PPP3CA: variants seen among roughly 807,000 people sequenced by gnomAD.
PPP3CA encodes CAM-PRP catalytic subunit.
PPP3CA carries 14 observed loss-of-function variants against 66.5 expected under a neutral mutation model. The ratio of observed to expected loss-of-function variants is 0.21; its 90% confidence interval spans 0.14 to 0.33. The LOEUF is 0.33. Ranked by LOEUF, PPP3CA falls within the 10% of genes least tolerant of loss-of-function variation. PPP3CA has a pLI of 1.00. For synonymous variants in PPP3CA, 232 were observed against 226.2 expected (o/e 1.03, Z -0.23); for missense variants, 317 against 639.5 (o/e 0.50, Z 5.44).
chr4:101,093,753 G>C lies in PPP3CA; in HGVS notation c.782+23C>G, dbSNP rs548652067. ...AGCATTATGATGCAAACGTGTTCCA[G>C]AGAGCAAGTTCTCTATTCTTACCTG... is the stretch of plus-strand genomic sequence containing the variant. On this transcript the variant is annotated intron_variant, in intron 6 of 13. Transcript: ENST00000394854. The C allele has an allele frequency of 1.3e-5, 21 of 1,574,240 alleles. No individual in the cohort carries two copies. In the African/African-American group the frequency reaches 2.3e-4, roughly 17 times the overall value.
At chr4:101,087,082 T>C (rs1054167274) in intron 6 of PPP3CA, among the ~76,000 whole-genome samples, 3 of 152,170 alleles carry the variant, frequency 2.0e-5, no homozygotes, top group African/African-American at 7.2e-5. Context: ...TGCCTGATTG[T>C]TCAACTCCTC....
chr4:101,180,993 C>T (rs1056925082), intron 2 of PPP3CA, among the ~76,000 whole-genome samples: 6 of 151,960 alleles, frequency 3.9e-5, no homozygotes, highest in South Asian at 4.2e-4. Flanking sequence ...TCAGGGTTAC[C>T]GTGAGCTATG....
chr4:101,287,959 T>C (rs1234993524), intron 1 of PPP3CA, among the ~76,000 whole-genome samples: 4 of 152,196 alleles, frequency 2.6e-5, no homozygotes, highest in Non-Finnish European at 5.9e-5. Flanking sequence ...TTTTCCTTCC[T>C]TGACCCAACC....
chr4:101,227,178 T>C (rs1725811525), intron 1 of PPP3CA, among the ~76,000 whole-genome samples: 1 of 151,720 alleles, frequency 6.6e-6, no homozygotes. Flanking sequence ...ACAACACATG[T>C]ATGGAGAAAC....
chr4:101,187,494 A>G (rs780266147), intron 2 of PPP3CA, among the ~76,000 whole-genome samples: 2 of 152,120 alleles, frequency 1.3e-5, no homozygotes, highest in Non-Finnish European at 2.9e-5. Context: ...AGGCAATTTA[A>G]TGTCTAGCTT....
At chr4:101,286,232 C>T (rs1028852276) in intron 1 of PPP3CA, among the ~76,000 whole-genome samples, 5 of 152,184 alleles carry the variant, frequency 3.3e-5, no homozygotes, top group African/African-American at 1.2e-4. Flanking sequence ...CAGCCACTAA[C>T]CTCCTGTGTG....
intron 1 of PPP3CA, among the ~76,000 whole-genome samples, chr4:101,332,331 T>A (rs770335933): frequency 6.6e-6 from 1 of 152,108 alleles, no homozygotes; most frequent in Non-Finnish European, 1.5e-5. Context: ...TATAAAGGAA[T>A]GAGGGAACAT....
rs181312307 is a variant in PPP3CA, at chr4:101,180,073, T to C, written c.259+15843A>G. Among the ~76,000 whole-genome samples, 117 of 152,270 alleles carry C rather than the reference T, an allele frequency of 7.7e-4. 1 individual carries two copies. The highest frequency in any genetic ancestry group is 2.6e-3 in the African/African-American group (110 of 41,570). On this transcript the variant is annotated intron_variant, in intron 2 of 13. Coordinates refer to ENST00000394854, the MANE Select transcript of PPP3CA (RefSeq NM_000944.5). ...ATGCACCCAAAGTTATATGTGCAAG[T>C]TGGCCAACATTAAGAACATGTGGTC...
At chr4:101,131,384 C>T (rs1200933940) in intron 2 of PPP3CA, among the ~76,000 whole-genome samples, 1 of 136,254 alleles carries the variant, frequency 7.3e-6, no homozygotes, top group Non-Finnish European at 1.6e-5. Context: ...AGGTTCAAAT[C>T]AAAGGAATGG....
chr4:101,331,179 T>C (rs751238265), intron 1 of PPP3CA, among the ~76,000 whole-genome samples: 5 of 152,192 alleles, frequency 3.3e-5, no homozygotes, highest in African/African-American at 7.2e-5. Flanking sequence ...GTTAGTGTTA[T>C]GGTGGTAAAA....
intron 2 of PPP3CA, among the ~76,000 whole-genome samples, chr4:101,189,500 C>A (rs1346832407): frequency 1.3e-5 from 2 of 151,862 alleles, no homozygotes; most frequent in African/African-American, 4.8e-5. Context: ...CAGAAATAGA[C>A]ATAGTTGAAC....
intron 1 of PPP3CA, among the ~76,000 whole-genome samples, chr4:101,199,723 T>TG (rs1363748795): frequency 6.6e-6 from 1 of 152,190 alleles, no homozygotes; most frequent in Non-Finnish European, 1.5e-5. Flanking sequence ...CTCATGTCAT[T>TG]GACTGTGGAA....
At chr4:101,195,525 C>T (rs1724761655) in intron 2 of PPP3CA, among the ~76,000 whole-genome samples, 1 of 152,064 alleles carries the variant, frequency 6.6e-6, no homozygotes, top group Admixed American at 6.6e-5. Flanking sequence ...GGGGATCACA[C>T]TTTGAAAACC....
intron 10 of PPP3CA, among the ~76,000 whole-genome samples, chr4:101,051,404 A>G (rs1211424060): frequency 6.6e-6 from 1 of 152,184 alleles, no homozygotes; most frequent in African/African-American, 2.4e-5. Flanking sequence ...AATTACTCTA[A>G]TAAAAGTACA....
At chr4:101,139,637 T>C (rs888290041) in intron 2 of PPP3CA, among the ~76,000 whole-genome samples, 5 of 150,520 alleles carry the variant, frequency 3.3e-5, no homozygotes, top group African/African-American at 7.3e-5. Context: ...AGAGTCCTGA[T>C]AAATTTACAA....
intron 3 of PPP3CA, among the ~76,000 whole-genome samples, chr4:101,107,493 T>C (rs1730804532): frequency 6.6e-6 from 1 of 152,220 alleles, no homozygotes; most frequent in South Asian, 2.1e-4. Flanking sequence ...ATACCAAGAA[T>C]TTAACTTCTC....
chr4:101,135,955 G>A (rs1308154670), intron 2 of PPP3CA, among the ~76,000 whole-genome samples: 1 of 152,118 alleles, frequency 6.6e-6, no homozygotes. Flanking sequence ...TCATTTAAAT[G>A]TTCTCATATG....
At chr4:101,211,832 C>T (rs764576644) in intron 1 of PPP3CA, among the ~76,000 whole-genome samples, 6 of 152,168 alleles carry the variant, frequency 3.9e-5, no homozygotes, top group Non-Finnish European at 5.9e-5. Context: ...AGAGCAGAAA[C>T]TGAGCTCTAC....
chr4:101,266,861 C>T (rs1020423137), intron 1 of PPP3CA, among the ~76,000 whole-genome samples: 1 of 152,198 alleles, frequency 6.6e-6, no homozygotes, highest in Non-Finnish European at 1.5e-5. Context: ...GTAGCAATTG[C>T]TCAATCATTA....
Sources: gnomAD v4.1 joint callset for allele counts (sites outside exome capture counted in the v4.1 genomes callset) on GRCh38, gnomAD v4.1.1 for gene constraint, MANE v1.5 for transcripts, NCBI Gene and HGNC (gene_info 2026-07-23, HGNC 2026-07-21) for gene names.